The following TMEM178B variants were observed in gnomAD, a reference collection of about 807,000 sequenced individuals.
TMEM178B encodes transmembrane protein 178B.
TMEM178B carries 5 observed loss-of-function variants against 31.0 expected under a neutral mutation model. That is an observed-to-expected ratio of 0.16 (90% CI 0.08 to 0.34). The LOEUF (loss-of-function observed/expected upper bound fraction) is 0.34, where lower values mean the gene tolerates loss of function less well. Ranked by LOEUF, TMEM178B falls within the 10% of genes least tolerant of loss-of-function variation. TMEM178B has a pLI of 1.00. For missense variants in TMEM178B, 275 were observed against 400.3 expected (o/e 0.69, Z 2.67); for synonymous variants, 164 against 164.0 (o/e 1.00, Z 0.00).
intron 2 of TMEM178B, among the ~76,000 whole-genome samples, chr7:141,244,692 A>G (rs1327650992): frequency 6.6e-6 from 1 of 152,160 alleles, no homozygotes; most frequent in Non-Finnish European, 1.5e-5. Context: ...AGTGTCAGTG[A>G]AAAATTGAGT....
intron 2 of TMEM178B, among the ~76,000 whole-genome samples, chr7:141,396,688 A>G (rs1472898467): frequency 6.6e-6 from 1 of 152,228 alleles, no homozygotes; most frequent in Non-Finnish European, 1.5e-5. Flanking sequence ...AAAATGGGAT[A>G]AGGTTTAAGG....
At chr7:141,299,364 A>G (rs958957081) in intron 2 of TMEM178B, among the ~76,000 whole-genome samples, 1 of 152,112 alleles carries the variant, frequency 6.6e-6, no homozygotes, top group Non-Finnish European at 1.5e-5. Flanking sequence ...TTTATTAGAG[A>G]TGGGGTTTTG....
chr7:141,254,984 C>G (rs1797902968), intron 2 of TMEM178B, among the ~76,000 whole-genome samples: 1 of 152,184 alleles, frequency 6.6e-6, no homozygotes. Flanking sequence ...TGTTTCGAAT[C>G]ACTGGTTCTC....
chr7:141,228,992 A>G (rs1469495915), intron 2 of TMEM178B, among the ~76,000 whole-genome samples: 1 of 143,846 alleles, frequency 7.0e-6, no homozygotes, highest in Non-Finnish European at 1.5e-5. Flanking sequence ...TGAACAGTCC[A>G]TGGATTAGAG....
the TMEM178B span, among the ~76,000 whole-genome samples, chr7:141,509,025 G>T: frequency 6.6e-6 from 1 of 152,226 alleles, no homozygotes; most frequent in Non-Finnish European, 1.5e-5. Context: ...TGCGGGACAT[G>T]ACATCTATTC....
At chr7:141,365,217 C>G (rs1008339399) in intron 2 of TMEM178B, among the ~76,000 whole-genome samples, 7 of 152,224 alleles carry the variant, frequency 4.6e-5, no homozygotes, top group African/African-American at 1.7e-4. Flanking sequence ...TGTCTTCAAA[C>G]CCTTGCTGTA....
At chr7:141,170,170 G>C (rs1206599031) in intron 1 of TMEM178B, among the ~76,000 whole-genome samples, 1 of 152,102 alleles carries the variant, frequency 6.6e-6, no homozygotes, top group Non-Finnish European at 1.5e-5. Context: ...TGTGATTACT[G>C]GGTCAAAGAC....
intron 1 of TMEM178B, among the ~76,000 whole-genome samples, chr7:141,205,937 C>G (rs1451682375): frequency 6.6e-6 from 1 of 152,206 alleles, no homozygotes; most frequent in African/African-American, 2.4e-5. Flanking sequence ...GTCTCTGTTT[C>G]CATACATCAG....
intron 2 of TMEM178B, among the ~76,000 whole-genome samples, chr7:141,425,915 C>A (rs147046475): frequency 7.4e-4 from 112 of 152,296 alleles, no homozygotes; most frequent in African/African-American, 2.7e-3. Flanking sequence ...TACCTTCCCC[C>A]CCTATCTCTT....
At chr7:141,446,090 G>T (rs1037968202) in intron 3 of TMEM178B, among the ~76,000 whole-genome samples, 1 of 152,170 alleles carries the variant, frequency 6.6e-6, no homozygotes, top group Admixed American at 6.5e-5. Flanking sequence ...TTGTCAGGAG[G>T]ACTAGGAAAT....
chr7:141,395,080 A>G (rs1049982358), intron 2 of TMEM178B, among the ~76,000 whole-genome samples: 1 of 152,130 alleles, frequency 6.6e-6, no homozygotes, highest in Non-Finnish European at 1.5e-5. Context: ...TTGTCCAGAC[A>G]CTGGGCAGTC....
chr7:141,355,235 C>T (rs1468699740), intron 2 of TMEM178B, among the ~76,000 whole-genome samples: 3 of 152,108 alleles, frequency 2.0e-5, no homozygotes, highest in Non-Finnish European at 4.4e-5. Context: ...ATTGTCAGGG[C>T]TTTGGCTGCT....
chr7:141,174,324 G>T (rs1421156217), intron 1 of TMEM178B, among the ~76,000 whole-genome samples: 1 of 152,130 alleles, frequency 6.6e-6, no homozygotes, highest in Non-Finnish European at 1.5e-5. Flanking sequence ...AGTGTTCCAT[G>T]GTGTATATGT....
At chr7:141,500,368 G>A in the TMEM178B span, among the ~76,000 whole-genome samples, 1 of 152,188 alleles carries the variant, frequency 6.6e-6, no homozygotes, top group Non-Finnish European at 1.5e-5. Flanking sequence ...CATTTTGATT[G>A]AGAGGCTCAG....
chr7:141,508,802 C>T, the TMEM178B span, among the ~76,000 whole-genome samples: 1 of 152,194 alleles, frequency 6.6e-6, no homozygotes, highest in South Asian at 2.1e-4. Context: ...AATTACCTCC[C>T]CCTGGGTCCC....
At chr7:141,439,204 C>G (rs10249727) in intron 3 of TMEM178B, among the ~76,000 whole-genome samples, 70,486 of 152,010 alleles carry the variant, frequency 0.46, 18,190 homozygotes, top group Middle Eastern at 0.62. Context: ...CCTTGAAACA[C>G]AGCCATTCTG....
chr7:141,081,038 T>C (rs570131751), intron 1 of TMEM178B, among the ~76,000 whole-genome samples: 1 of 152,322 alleles, frequency 6.6e-6, no homozygotes, highest in African/African-American at 2.4e-5. Context: ...ATCATTGTTT[T>C]AGAGTGTACT....
intron 3 of TMEM178B, among the ~76,000 whole-genome samples, chr7:141,449,077 A>G (rs985868973): frequency 1.1e-4 from 17 of 152,178 alleles, no homozygotes; most frequent in Non-Finnish European, 1.0e-4. Context: ...CTGGATTGCT[A>G]TGGAAACTTA....
intron 3 of TMEM178B, among the ~76,000 whole-genome samples, chr7:141,445,477 G>A (rs1173323741): frequency 1.3e-5 from 2 of 152,156 alleles, no homozygotes; most frequent in Admixed American, 1.3e-4. Flanking sequence ...TTAGAAACAT[G>A]CTAGGATGAT....
Sources: gnomAD v4.1 joint callset for allele counts (sites outside exome capture counted in the v4.1 genomes callset) on GRCh38, gnomAD v4.1.1 for gene constraint, MANE v1.5 for transcripts, NCBI Gene and HGNC (gene_info 2026-07-23, HGNC 2026-07-21) for gene names.